NPAP1: variants seen among roughly 807,000 people sequenced by gnomAD.
NPAP1 encodes nuclear pore-associated protein 1.
For synonymous variants in NPAP1, 616 were observed against 581.4 expected, an observed-to-expected ratio of 1.06 and a Z score of -0.86; for missense variants, 1,483 against 1,454.5, an observed-to-expected ratio of 1.02 and a Z score of -0.32.
In NPAP1 at chr15:24,676,745, C is replaced by A. The variant is rs569919445; in HGVS notation, c.878C>A (p.Pro293Gln). The change falls in exon 1 of 1, where the codon CCG becomes CAG. Residue 293 changes from proline to glutamine, a missense_variant. Pro to Gln is a moderately conservative substitution (Grantham distance 76, BLOSUM62 -1). Transcript: ENST00000329468. ...EEPPPSSLGL[P>Q]IPLMSGKRMP... The stretch of plus-strand genomic sequence containing the variant: ...CCACCGCCCAGCTCCCTAGGCTTGC[C>A]GATTCCGCTGATGTCCGGAAAGAGG... 6.2e-7 allele frequency: 1 copy of A among 1,613,936 alleles called. No individual in the cohort carries two copies. Among genetic ancestry groups the A allele is most frequent in the Non-Finnish European group, 8.5e-7 (1 of 1,180,036 alleles).
In NPAP1 at chr15:24,679,569, G is replaced by A; in HGVS notation, c.*231G>A. On this transcript the variant is annotated 3_prime_UTR_variant, in exon 1 of 1. Coordinates refer to ENST00000329468, the MANE Select transcript of NPAP1 (RefSeq NM_018958.3). ...AAAACACAGGTGGTGCATCTGCAGT[G>A]AATGGCAACATATCTTTAATTAGAG... 1.8e-6 allele frequency: 1 copy of A among 559,212 alleles called. No individual in the cohort carries two copies. Among genetic ancestry groups the A allele is most frequent in the Non-Finnish European group, 3.3e-6 (1 of 306,044 alleles). The allele number at this position is 559,212 out of a possible 1,614,324, so 34.6% of individuals were successfully genotyped here. A position where few individuals can be genotyped will look rare whatever the true frequency, so the allele number is the denominator to read the frequency against.
rs1323892455 is a variant in NPAP1, at chr15:24,678,279, C to A, written c.2412C>A (p.Ser804=). 19 of 1,613,788 alleles carry A rather than the reference C, an allele frequency of 1.2e-5. No homozygotes were observed. The highest frequency in any genetic ancestry group is 1.5e-5 in the Non-Finnish European group (18 of 1,179,906). The change falls in exon 1 of 1, where the codon TCC becomes TCA. Residue 804 remains serine (S), a synonymous_variant. Coordinates refer to ENST00000329468, the MANE Select transcript of NPAP1 (RefSeq NM_018958.3). The stretch of plus-strand genomic sequence containing the variant: ...CTATCATGGTTCCTCCAGACACCTC[C>A]ACTTTAGTGAGCAGTGCCTCTGCAG... ...SLPIMVPPDT[S]TLVSSASAAS...
In NPAP1 at chr15:24,678,720, A is replaced by G; in HGVS notation, c.2853A>G (p.Pro951=). The part of the protein sequence containing the change: ...IPPGFAELTS[P]YTALGTPVNA... ...CAGGTTTTGCAGAGTTAACATCACC[A>G]TATACTGCATTGGGCACACCTGTTA... Residue 951 remains proline (P), a synonymous_variant, in exon 1 of 1, where the codon CCA becomes CCG. Transcript: ENST00000329468. The G allele has an allele frequency of 6.2e-7, 1 of 1,614,160 alleles. No individual in the cohort carries two copies. The highest frequency in any genetic ancestry group is 8.5e-7 in the Non-Finnish European group (1 of 1,180,040).
rs2141307513 is a variant in NPAP1, at chr15:24,676,201, A to G, written c.334A>G (p.Ser112Gly). The stretch of plus-strand genomic sequence containing the variant: ...GAACCCCCCGAGGTTTGGACACCCC[A>G]GTTCCGTAAGGATCCCTCCTCCCAG... ...ARNPPRFGHP[S>G]SVRIPPPSRM... is the part of the protein sequence containing the mutation. Residue 112 changes from serine to glycine, a missense_variant, in exon 1 of 1, where the codon AGT (serine) becomes GGT (glycine). Coordinates refer to ENST00000329468, the MANE Select transcript of NPAP1 (RefSeq NM_018958.3). The G allele has an allele frequency of 6.5e-7, 1 of 1,544,336 alleles. No individual in the cohort carries two copies. The highest frequency in any genetic ancestry group is 8.7e-7 in the Non-Finnish European group (1 of 1,148,168).
Position 24,677,647 on chromosome 15 carries a change from A to C in NPAP1, c.1780A>C (p.Ser594Arg), listed in dbSNP as rs775204576. Residue 594 changes from serine to arginine, a missense_variant, in exon 1 of 1, where the codon AGC becomes CGC. Coordinates refer to ENST00000329468, the MANE Select transcript of NPAP1 (RefSeq NM_018958.3). ...SQVVIFTSSL[S>R]SRVSSLPNSQ... The stretch of plus-strand genomic sequence containing the variant: ...GGTTGTTATTTTCACATCTTCCCTA[A>C]GCTCCAGAGTGAGCTCTCTCCCAAA... The C allele has an allele frequency of 1.9e-6, 3 of 1,614,182 alleles. No homozygotes were observed. Among genetic ancestry groups the C allele is most frequent in the Non-Finnish European group, 1.7e-6 (2 of 1,180,036 alleles).
chr15:24,675,785 T>C lies in NPAP1; in HGVS notation c.-83T>C, dbSNP rs2048970633. 1 of 1,017,084 alleles carries C rather than the reference T, an allele frequency of 9.8e-7. No homozygotes were observed. The highest frequency in any genetic ancestry group is 1.4e-6 in the Non-Finnish European group (1 of 728,992). 63.0% of individuals were successfully genotyped at this position (1,017,084 alleles called of 1,614,324 possible). A position where few individuals can be genotyped will look rare whatever the true frequency, so the allele number is the denominator to read the frequency against. On this transcript the variant is annotated 5_prime_UTR_variant, in exon 1 of 1. Transcript: ENST00000329468. ...GGCGTAGAGCCAGTCAGTTTGTGCTTGGTCGCCAGAGGAGGCGGTGGCTGA... is the reference window on the plus strand; with the variant it reads ...GGCGTAGAGCCAGTCAGTTTGTGCTCGGTCGCCAGAGGAGGCGGTGGCTGA...
Position 24,682,754 on chromosome 15 carries a change from A to T in NPAP1, c.*3416A>T. 6.0e-6 allele frequency: 1 copy of T among 166,992 alleles called. No homozygotes were observed. 10.3% of individuals were successfully genotyped at this position (166,992 alleles called of 1,614,324 possible). On this transcript the variant is annotated 3_prime_UTR_variant, in exon 1 of 1. Coordinates refer to ENST00000329468, the MANE Select transcript of NPAP1 (RefSeq NM_018958.3). ...TGAACTCTTTTCCCATAAAAAAAAA[A>T]TGTTTTTGGTTTCTAGAATTTTCAA...
Position 24,682,028 on chromosome 15 carries a change from C to T in NPAP1, c.*2690C>T, listed in dbSNP as rs2049021149. 1 of 166,770 alleles carries T rather than the reference C, an allele frequency of 6.0e-6. No homozygotes were observed. Among genetic ancestry groups the T allele is most frequent in the South Asian group, 2.1e-4 (1 of 4,820 alleles). The allele number at this position is 166,770 out of a possible 1,614,324, so 10.3% of individuals were successfully genotyped here. On this transcript the variant is annotated 3_prime_UTR_variant, in exon 1 of 1. Coordinates refer to ENST00000329468, the MANE Select transcript of NPAP1 (RefSeq NM_018958.3). ...TTGGCTCACTGCACGCTCCACCTCT[C>T]GGAAGAACCCCTTTTTATTAGCATA...
Position 24,678,432 on chromosome 15 carries a change from T to A in NPAP1, c.2565T>A (p.Pro855=), listed in dbSNP as rs1165017168. 1 of 1,614,182 alleles carries A rather than the reference T, an allele frequency of 6.2e-7. No homozygotes were observed. The highest frequency in any genetic ancestry group is 8.5e-7 in the Non-Finnish European group (1 of 1,180,034). Residue 855 remains proline (P), a synonymous_variant, in exon 1 of 1, where the codon CCT becomes CCA. Coordinates refer to ENST00000329468, the MANE Select transcript of NPAP1 (RefSeq NM_018958.3). ...EEYIRFYMGL[P]GSGNTLHSDS... ...ACATCCGATTTTATATGGGGCTTCCTGGTTCTGGGAACACACTACACAGTG... is the reference window on the plus strand; with the variant it reads ...ACATCCGATTTTATATGGGGCTTCCAGGTTCTGGGAACACACTACACAGTG...
In NPAP1 at chr15:24,681,608, C is replaced by T. The variant is rs1276758633; in HGVS notation, c.*2270C>T. 2 of 166,924 alleles carry T rather than the reference C, an allele frequency of 1.2e-5. No homozygotes were observed. The highest frequency in any genetic ancestry group is 4.8e-5 in the African/African-American group (2 of 41,376). 10.3% of individuals were successfully genotyped at this position (166,924 alleles called of 1,614,324 possible). ...CTCTAATTGCCATGTGAAGGTATAC[C>T]AACAAGGTAACAGTCTGTAAGCCAG... On this transcript the variant is annotated 3_prime_UTR_variant, in exon 1 of 1. Coordinates refer to ENST00000329468, the MANE Select transcript of NPAP1 (RefSeq NM_018958.3).
At position 24,679,547 on chromosome 15, in the gene NPAP1, A is replaced by C; in HGVS notation, c.*209A>C. ...TACACATGGGTCCCACCTGGACAAAACACAGGTGGTGCATCTGCAGTGAAT... is the reference window on the plus strand; with the variant it reads ...TACACATGGGTCCCACCTGGACAAACCACAGGTGGTGCATCTGCAGTGAAT... On this transcript the variant is annotated 3_prime_UTR_variant, in exon 1 of 1. Coordinates refer to ENST00000329468, the MANE Select transcript of NPAP1 (RefSeq NM_018958.3). The C allele has an allele frequency of 3.4e-6, 2 of 587,824 alleles. No homozygotes were observed. Among genetic ancestry groups the C allele is most frequent in the East Asian group, 5.8e-5 (2 of 34,668 alleles). 36.4% of individuals were successfully genotyped at this position (587,824 alleles called of 1,614,324 possible). A position where few individuals can be genotyped will look rare whatever the true frequency, so the allele number is the denominator to read the frequency against.
Position 24,682,420 on chromosome 15 carries a change from C to A in NPAP1, c.*3082C>A, listed in dbSNP as rs1426988233. On this transcript the variant is annotated 3_prime_UTR_variant, in exon 1 of 1. Transcript: ENST00000329468. ...GCTAAATATTATGATCCTGGTAAGA[C>A]AAACTTTGAATAAATGTGTGAGAGA... 1 of 166,528 alleles carries A rather than the reference C, an allele frequency of 6.0e-6. No individual in the cohort carries two copies. The highest frequency in any genetic ancestry group is 1.5e-5 in the Non-Finnish European group (1 of 68,114). The allele number at this position is 166,528 out of a possible 1,614,324, so 10.3% of individuals were successfully genotyped here.
chr15:24,679,292 G>A lies in NPAP1; in HGVS notation c.3425G>A (p.Gly1142Glu), dbSNP rs759697531. The change falls in exon 1 of 1, where the codon GGA (glycine) becomes GAA (glutamate). Residue 1142 changes from glycine (G) to glutamate (E), a missense_variant. Physicochemically the swap from Gly to Glu is moderately conservative, Grantham distance 98. Coordinates refer to ENST00000329468, the MANE Select transcript of NPAP1 (RefSeq NM_018958.3). ...TACACTTCAAGCACCCACTACTATG[G>A]ACAAGAAACATATGTTAGGAGACAT... ...KFYTSSTHYY[G>E]QETYVRRHVC... is the part of the protein sequence containing the mutation. The A allele has an allele frequency of 3.7e-6, 6 of 1,613,754 alleles. No individual in the cohort carries two copies. In the African/African-American group the frequency reaches 4.0e-5, roughly 11 times the overall value.
Position 24,679,915 on chromosome 15 carries a change from A to C in NPAP1, c.*577A>C, listed in dbSNP as rs1361200275. The stretch of plus-strand genomic sequence containing the variant: ...ACCTCTAGTCTCCCTTTCAGTAAAA[A>C]TACTATGGACCTGCCCAACCAAGGT... On this transcript the variant is annotated 3_prime_UTR_variant, in exon 1 of 1. Coordinates refer to ENST00000329468, the MANE Select transcript of NPAP1 (RefSeq NM_018958.3). 1 of 174,088 alleles carries C rather than the reference A, an allele frequency of 5.7e-6. No homozygotes were observed. Among genetic ancestry groups the C allele is most frequent in the Non-Finnish European group, 1.4e-5 (1 of 72,454 alleles). 10.8% of individuals were successfully genotyped at this position (174,088 alleles called of 1,614,324 possible).
rs2048999807 is a variant in NPAP1 at position 24,679,066 on chromosome 15, G to A, written c.3199G>A (p.Ala1067Thr). The A allele has an allele frequency of 1.2e-6, 2 of 1,614,070 alleles. No individual in the cohort carries two copies. The highest frequency in any genetic ancestry group is 2.7e-5 in the African/African-American group (2 of 74,924). ...AAWDPTGHSM[A>T]AAPQGASNIP... ...CTGGGACCCAACTGGCCACAGCATG[G>A]CTGCTGCACCACAAGGGGCTAGCAA... The change falls in exon 1 of 1, where the codon GCT becomes ACT. Residue 1067 changes from alanine (A) to threonine (T), a missense_variant. Ala to Thr is a moderately conservative substitution (Grantham distance 58). Transcript: ENST00000329468.
rs771270609 is a variant in NPAP1 at position 24,679,181 on chromosome 15, A to T, written c.3314A>T (p.Asp1105Val). 6.2e-7 allele frequency: 1 copy of T among 1,614,160 alleles called. No homozygotes were observed. The highest frequency in any genetic ancestry group is 1.1e-5 in the South Asian group (1 of 91,092). Residue 1105 changes from aspartate (D) to valine (V), a missense_variant, in exon 1 of 1, where the codon GAT becomes GTT. Coordinates refer to ENST00000329468, the MANE Select transcript of NPAP1 (RefSeq NM_018958.3). ...TQNSCSGMGG[D>V]GTRSIVGGPC... is the part of the protein sequence containing the mutation. The stretch of plus-strand genomic sequence containing the variant: ...AATTCATGCAGTGGTATGGGAGGGG[A>T]TGGCACCAGATCCATAGTTGGAGGC...
rs2141311449 is a variant in NPAP1, at chr15:24,677,930, C to T, written c.2063C>T (p.Ala688Val). 1 of 1,613,668 alleles carries T rather than the reference C, an allele frequency of 6.2e-7. No individual in the cohort carries two copies. Among genetic ancestry groups the T allele is most frequent in the Non-Finnish European group, 8.5e-7 (1 of 1,179,940 alleles). The change falls in exon 1 of 1, where the codon GCA (alanine) becomes GTA (valine). Residue 688 changes from alanine (A) to valine (V), a missense_variant. Physicochemically the swap from Ala to Val is moderately conservative, Grantham distance 64. Transcript: ENST00000329468. ...ACTTTAGTGAACAGTGCCTCTACAGCATCATCATCCAAACCTCCCATTGAA... is the reference window on the plus strand; with the variant it reads ...ACTTTAGTGAACAGTGCCTCTACAGTATCATCATCCAAACCTCCCATTGAA... ...TSTLVNSAST[A>V]SSSKPPIETN...
chr15:24,678,308 C>A, the NPAP1 span: 21 of 1,614,022 alleles, frequency 1.3e-5, no homozygotes, highest in Non-Finnish European at 1.8e-5. Flanking sequence ...TCTGCAGCAT[C>A]GTTATCCAAG....
Position 24,680,315 on chromosome 15 carries a change from A to T in NPAP1, c.*977A>T, listed in dbSNP as rs1238811231. 6.0e-6 allele frequency: 1 copy of T among 167,196 alleles called. No individual in the cohort carries two copies. The highest frequency in any genetic ancestry group is 1.5e-5 in the Non-Finnish European group (1 of 68,272). The allele number at this position is 167,196 out of a possible 1,614,324, so 10.4% of individuals were successfully genotyped here. A position where few individuals can be genotyped will look rare whatever the true frequency, so the allele number is the denominator to read the frequency against. On this transcript the variant is annotated 3_prime_UTR_variant, in exon 1 of 1. Transcript: ENST00000329468. ...CCAGCCTAGAGGAGCCAGCATTGTT[A>T]GTTAAATACTTGTGTTTGGATGGTC... is the stretch of plus-strand genomic sequence containing the variant.
Sources: gnomAD v4.1 joint callset for allele counts on GRCh38, gnomAD v4.1.1 for gene constraint, MANE v1.5 for transcripts, NCBI Gene and HGNC (gene_info 2026-07-23, HGNC 2026-07-21) for gene names.